Variants in TULP1 observed in about 807,000 individuals in gnomAD.
The protein encoded by TULP1 is TUB like protein 1.
Under a neutral mutation model 67.1 loss-of-function variants are expected in TULP1, and 50 were observed. That is an observed-to-expected ratio of 0.75 (90% CI 0.59 to 0.94). The LOEUF is 0.94. Among genes scored for constraint, TULP1 ranks in the 40% least tolerant of loss-of-function variants. TULP1 has a pLI of 0.00. For missense variants in TULP1, 746 were observed against 734.1 expected, an observed-to-expected ratio of 1.02 and a Z score of -0.19; for synonymous variants, 297 against 294.0, an observed-to-expected ratio of 1.01 and a Z score of -0.11.
At chr6:35,505,388 G>A in intron 11 of TULP1, 1 of 391,210 alleles carries the variant, frequency 2.6e-6, no homozygotes, top group South Asian at 2.0e-5. Context: ...AATACTTGTT[G>A]AGTAGCTAAT....
chr6:35,512,160 G>A lies in TULP1; in HGVS notation c.190+20C>T, dbSNP rs563158279. 937 of 1,317,176 alleles carry A rather than the reference G, an allele frequency of 7.1e-4. No individual in the cohort carries two copies. Among genetic ancestry groups the A allele is most frequent in the Admixed American group, 2.5e-3 (70 of 27,890 alleles). The allele number at this position is 1,317,176 out of a possible 1,614,324, so 81.6% of individuals were successfully genotyped here. ...CAGCCCACACCCTGGGGGTCCACCC[G>A]GGCTCTGCACCCCGCCCACCTCCGG... On this transcript the variant is annotated intron_variant, in intron 3 of 14. Transcript: ENST00000229771.
intron 13 of TULP1, among the ~76,000 whole-genome samples, chr6:35,502,758 C>G (rs1338885533): frequency 1.3e-5 from 2 of 152,016 alleles, no homozygotes; most frequent in African/African-American, 4.8e-5. Flanking sequence ...CTTGTCCTCC[C>G]AAAGTGCTGG....
chr6:35,510,847 C>A lies in TULP1; in HGVS notation c.499+14G>T, dbSNP rs1761183231. ...TGCTTCCCTGTGAGCTCTCTCAGCA[C>A]CCTCAGCACCCACCCCTTGGGCCCT... On this transcript the variant is annotated intron_variant, in intron 5 of 14. Coordinates refer to ENST00000229771, the MANE Select transcript of TULP1 (RefSeq NM_003322.6). The A allele has an allele frequency of 5.6e-6, 9 of 1,613,150 alleles. No homozygotes were observed. The highest frequency in any genetic ancestry group is 7.6e-6 in the Non-Finnish European group (9 of 1,179,680).
intron 3 of TULP1, 144 bp downstream of exon 3, chr6:35,512,036 C>G (rs1408554590): frequency 2.1e-6 from 1 of 476,890 alleles, no homozygotes; most frequent in Non-Finnish European, 3.5e-6. Flanking sequence ...CCAACCCCAA[C>G]CCCAATCCCT....
chr6:35,503,625 C>A lies in TULP1; in HGVS notation c.1257G>T (p.Arg419=). Residue 419 remains arginine, a synonymous_variant, in exon 13 of 15, where the codon CGG becomes CGT. Coordinates refer to ENST00000229771, the MANE Select transcript of TULP1 (RefSeq NM_003322.6). The surrounding 1 kb of genome is among the most constrained non-coding windows in gnomAD (Gnocchi z 4.0). ...TGCCAGGAATGATGACGGTCATGCG[C>A]CGGGGGCCACGGAAGCCCAGCACGT... ...ETNVLGFRGP[R]RMTVIIPGMS... The A allele has an allele frequency of 6.3e-7, 1 of 1,599,438 alleles. No individual in the cohort carries two copies. The highest frequency in any genetic ancestry group is 1.1e-5 in the South Asian group (1 of 88,314).
At chr6:35,502,393 C>T (rs1250979905) in intron 13 of TULP1, among the ~76,000 whole-genome samples, 1 of 152,088 alleles carries the variant, frequency 6.6e-6, no homozygotes, top group Non-Finnish European at 1.5e-5. Flanking sequence ...GGGATTTTAC[C>T]ACGTTGGCCA....
In TULP1 at chr6:35,511,816, G is replaced by A. The variant is rs1242341381; in HGVS notation, c.191-10C>T. On this transcript the variant is annotated splice_polypyrimidine_tract_variant and intron_variant, in intron 3 of 14. Coordinates refer to ENST00000229771, the MANE Select transcript of TULP1 (RefSeq NM_003322.6). ...CTCCCCGTCCGCCCAGCTGAGCCGA[G>A]ATGCGGGGTTCAGACAGGGTCCCAT... The A allele has an allele frequency of 7.1e-6, 11 of 1,541,482 alleles. No individual in the cohort carries two copies. The highest frequency in any genetic ancestry group is 9.6e-6 in the Non-Finnish European group (11 of 1,142,758).
intron 13 of TULP1, among the ~76,000 whole-genome samples, chr6:35,501,574 G>T (rs1362538019): frequency 7.0e-6 from 1 of 142,380 alleles, no homozygotes; most frequent in Non-Finnish European, 1.5e-5. Flanking sequence ...CACTTTGGGA[G>T]GCTGAGGCAG....
chr6:35,497,895 T>G lies in TULP1; in HGVS notation c.*432A>C. 4.5e-6 allele frequency: 1 copy of G among 223,202 alleles called. No individual in the cohort carries two copies. The highest frequency in any genetic ancestry group is 9.1e-6 in the Non-Finnish European group (1 of 109,792). The allele number at this position is 223,202 out of a possible 1,614,324, so 13.8% of individuals were successfully genotyped here. On this transcript the variant is annotated 3_prime_UTR_variant, in exon 15 of 15. Coordinates refer to ENST00000229771, the MANE Select transcript of TULP1 (RefSeq NM_003322.6). ...CCGCTTGGCCAAGGACGCGGCTTTATTGGGGATGTGGGTGCCTGGCCCTCG... is the reference window on the plus strand; with the variant it reads ...CCGCTTGGCCAAGGACGCGGCTTTAGTGGGGATGTGGGTGCCTGGCCCTCG...
At chr6:35,501,166 A>T (rs1313710201) in intron 13 of TULP1, among the ~76,000 whole-genome samples, 1 of 151,992 alleles carries the variant, frequency 6.6e-6, no homozygotes, top group Admixed American at 6.6e-5. Flanking sequence ...ACATCTCTCC[A>T]TCTTAAACTC....
chr6:35,510,847 C>T lies in TULP1; in HGVS notation c.499+14G>A. Reference sequence around the variant, plus strand: ...TGCTTCCCTGTGAGCTCTCTCAGCACCCTCAGCACCCACCCCTTGGGCCCT... The same window carrying T: ...TGCTTCCCTGTGAGCTCTCTCAGCATCCTCAGCACCCACCCCTTGGGCCCT... On this transcript the variant is annotated intron_variant, in intron 5 of 14. Transcript: ENST00000229771. The T allele has an allele frequency of 6.2e-7, 1 of 1,613,268 alleles. No homozygotes were observed. Among genetic ancestry groups the T allele is most frequent in the South Asian group, 1.1e-5 (1 of 91,074 alleles).
chr6:35,502,366 G>A (rs1168329206), intron 13 of TULP1, among the ~76,000 whole-genome samples: 1 of 151,866 alleles, frequency 6.6e-6, no homozygotes, highest in Non-Finnish European at 1.5e-5. Context: ...GTTAATTTTT[G>A]TATTTTTAGT....
intron 5 of TULP1, chr6:35,510,567 C>T: frequency 2.0e-6 from 1 of 506,768 alleles, no homozygotes; most frequent in Non-Finnish European, 3.5e-6. Flanking sequence ...TAACAATTTC[C>T]ACTGAGTTAA....
chr6:35,500,221 C>T (rs985134964), intron 13 of TULP1, 69 bp from the exon 14 acceptor site: 43 of 1,562,026 alleles, frequency 2.8e-5, no homozygotes, highest in Admixed American at 5.0e-5. Context: ...CAGGACTGAC[C>T]GGAGAAGGGG....
At chr6:35,500,507 C>T (rs989624147) in intron 13 of TULP1, among the ~76,000 whole-genome samples, 1 of 152,194 alleles carries the variant, frequency 6.6e-6, no homozygotes, top group African/African-American at 2.4e-5. Context: ...AAAGGGCACA[C>T]AGTTGAGCTG....
chr6:35,509,047 G>T (rs1029525303), intron 8 of TULP1, among the ~76,000 whole-genome samples, 162 bp downstream of exon 8: 3 of 152,080 alleles, frequency 2.0e-5, no homozygotes, highest in Admixed American at 6.5e-5. Context: ...TCCTCTGTTT[G>T]CACAAATCTG....
At chr6:35,500,922 C>T (rs1768829909) in intron 13 of TULP1, among the ~76,000 whole-genome samples, 1 of 152,208 alleles carries the variant, frequency 6.6e-6, no homozygotes, top group Admixed American at 6.5e-5. Context: ...AGTGAACCCT[C>T]AAGACTGAGC....
At chr6:35,509,131 C>A in intron 8 of TULP1, 78 bp downstream of exon 8, 1 of 1,319,904 alleles carries the variant, frequency 7.6e-7, no homozygotes. Flanking sequence ...CAAGCCCCCA[C>A]CCTCTAGGCT....
rs983343275 is a variant in TULP1, at chr6:35,503,679, G to A, written c.1225-22C>T. 2 of 1,598,054 alleles carry A rather than the reference G, an allele frequency of 1.3e-6. No individual in the cohort carries two copies. Among genetic ancestry groups the A allele is most frequent in the Non-Finnish European group, 1.7e-6 (2 of 1,172,696 alleles). On this transcript the variant is annotated intron_variant, in intron 12 of 14. Coordinates refer to ENST00000229771, the MANE Select transcript of TULP1 (RefSeq NM_003322.6). The surrounding 1 kb of genome is among the most constrained non-coding windows in gnomAD (Gnocchi z 4.0). ...TTTCCTGGGAAGGAAACAGATGCCT[G>A]TGAGGCCAGCCCCTGTAAGGGGAGC...
Sources: allele counts gnomAD v4.1 joint callset (sites outside exome capture counted in the v4.1 genomes callset), GRCh38; gene constraint gnomAD v4.1.1; non-coding constraint Gnocchi (gnomAD v3.1); transcripts MANE v1.5; gene names NCBI Gene and HGNC (gene_info 2026-07-23, HGNC 2026-07-21).